Variants in OPTC observed in about 807,000 individuals in gnomAD.
The protein encoded by OPTC is opticin, also known as oculoglycan.
Under a neutral mutation model 25.4 loss-of-function variants are expected in OPTC, and 22 were observed. The ratio of observed to expected loss-of-function variants is 0.87; its 90% CI spans 0.62 to 1.24. OPTC has a LOEUF of 1.24. Ranked by LOEUF, OPTC falls within the 50% of genes most tolerant of loss-of-function variation. The probability of loss-of-function intolerance (pLI) is 0.00; values close to 1 mark genes in which losing one functional copy is unlikely to be tolerated. For synonymous variants in OPTC, 169 were observed against 179.3 expected, an observed-to-expected ratio of 0.94 and a Z score of 0.46; for missense variants, 417 against 425.2, an observed-to-expected ratio of 0.98 and a Z score of 0.17.
chr1:203,506,152 C>CTT (rs1211629662), intron 7 of OPTC, among the ~76,000 whole-genome samples: 43 of 140,602 alleles, frequency 3.1e-4, no homozygotes, highest in African/African-American at 7.1e-4. Context: ...TTTCTTTTTT[C>CTT]TTTTTTTTTT....
In OPTC at chr1:203,499,354, G is replaced by A. The variant is rs145923198; in HGVS notation, c.530-295G>A. On this transcript the variant is annotated intron_variant, in intron 4 of 7. Coordinates refer to ENST00000367222, the MANE Select transcript of OPTC (RefSeq NM_014359.4). ...CACAAGTGGAGGTGAGGTGGATCCA[G>A]GGATTCCTGGGCCTGTTGGTTCTCG... is the stretch of plus-strand genomic sequence containing the variant. Among the ~76,000 whole-genome samples the A allele has an allele frequency of 4.0e-3, 605 of 152,234 alleles. 6 individuals carry two copies. Among genetic ancestry groups the A allele is most frequent in the African/African-American group, 0.014 (576 of 41,526 alleles).
At chr1:203,497,392 C>T (rs1237755865) in intron 3 of OPTC, among the ~76,000 whole-genome samples, 1 of 152,216 alleles carries the variant, frequency 6.6e-6, no homozygotes, top group African/African-American at 2.4e-5. Context: ...CTAGCAAAGC[C>T]ACCCTGCCTT....
At chr1:203,496,564 C>T (rs1374481601) in intron 2 of OPTC, among the ~76,000 whole-genome samples, 2 of 152,208 alleles carry the variant, frequency 1.3e-5, no homozygotes, top group Non-Finnish European at 2.9e-5. Flanking sequence ...AACTGTCCTC[C>T]AGTCTGAAGT....
chr1:203,507,175 T>G (rs971555099), intron 7 of OPTC, among the ~76,000 whole-genome samples: 6 of 152,200 alleles, frequency 3.9e-5, no homozygotes, highest in African/African-American at 1.4e-4. Context: ...CAGCTAGGCC[T>G]CCTGTTTCTC....
chr1:203,496,014 C>T lies in OPTC; in HGVS notation c.9C>T (p.Leu3=), dbSNP rs1348011580. ...GTCCCATCTGACTCCCCATGAGGCT[C>T]CTGGCTTTCCTGAGTCTGCTGGCCT... MR[L]LAFLSLLALV... The change falls in exon 2 of 8, where the codon CTC becomes CTT. Residue 3 remains leucine, a synonymous_variant. Coordinates refer to ENST00000367222, the MANE Select transcript of OPTC (RefSeq NM_014359.4). 1.2e-6 allele frequency: 2 copies of T among 1,611,836 alleles called. No homozygotes were observed. Among genetic ancestry groups the T allele is most frequent in the African/African-American group, 1.3e-5 (1 of 74,880 alleles).
rs866411402 is a variant in OPTC, at chr1:203,500,077, C to T, written c.732+226C>T. ...CTCCACCACCACCACCTCCACCTAC[C>T]ACCACCACCACCACCCACCTCCACC... On this transcript the variant is annotated intron_variant, in intron 5 of 7. Transcript: ENST00000367222. Among the ~76,000 whole-genome samples the T allele has an allele frequency of 7.0e-3, 4 of 572 alleles. 1 individual carries two copies. Among genetic ancestry groups the T allele is most frequent in the Admixed American group, 0.037 (2 of 54 alleles). 0.4% of individuals were successfully genotyped at this position (572 alleles called of 152,430 possible).
At chr1:203,506,337 G>C (rs910144504) in intron 7 of OPTC, among the ~76,000 whole-genome samples, 1 of 151,910 alleles carries the variant, frequency 6.6e-6, no homozygotes, top group Non-Finnish European at 1.5e-5. Flanking sequence ...TTTAAGTAGA[G>C]ACAGGGTTTC....
chr1:203,501,765 CACTGTTGTGGTGGAA>C (rs888177919), intron 5 of OPTC, among the ~76,000 whole-genome samples: 2 of 152,122 alleles, frequency 1.3e-5, no homozygotes, highest in Admixed American at 1.3e-4. Flanking sequence ...GCGTCACTAC[CACTGTTGTGGTGGAA>C]GAGCACTAGA....
intron 1 of OPTC, 117 bp downstream of exon 1, chr1:203,494,334 G>A (rs1661244215): frequency 6.6e-6 from 1 of 152,238 alleles, no homozygotes; most frequent in Non-Finnish European, 1.5e-5. Context: ...GGCCAAAGAA[G>A]TTGGACAAGA....
chr1:203,503,548 A>G lies in OPTC; in HGVS notation c.829-2A>G, dbSNP rs1215706040. The stretch of plus-strand genomic sequence containing the variant: ...GGCTCAGCTGGTATGTGTTCTTCCC[A>G]GAATAACCTGATAGAGACCATGCAG... On this transcript the variant is annotated splice_acceptor_variant, in intron 6 of 7. Coordinates refer to ENST00000367222, the MANE Select transcript of OPTC (RefSeq NM_014359.4). LOFTEE classifies it high-confidence loss of function. 6.8e-6 allele frequency: 11 copies of G among 1,613,372 alleles called. No homozygotes were observed. Among genetic ancestry groups the G allele is most frequent in the Admixed American group, 5.0e-5 (3 of 60,030 alleles).
chr1:203,503,701 C>G lies in OPTC; in HGVS notation c.980C>G (p.Pro327Arg). 1.2e-6 allele frequency: 2 copies of G among 1,608,844 alleles called. No homozygotes were observed. The highest frequency in any genetic ancestry group is 1.7e-6 in the Non-Finnish European group (2 of 1,180,002). Residue 327 changes from proline to arginine, a missense_variant, in exon 7 of 8, where the codon CCC (proline) becomes CGC (arginine). By Grantham distance (103) the Pro-to-Arg change is moderately radical. Coordinates refer to ENST00000367222, the MANE Select transcript of OPTC (RefSeq NM_014359.4). ...GCCTACTTCTGCCTGCCTCGGCTCC[C>G]CATCGGCCGCTTCACGTAGCTCGGA... Reference protein sequence around the residue: ...PSAYFCLPRLPIGRFT With the variant: ...PSAYFCLPRLRIGRFT
chr1:203,496,385 T>A, intron 2 of OPTC, 149 bp downstream of exon 2: 1 of 703,408 alleles, frequency 1.4e-6, no homozygotes, highest in Admixed American at 2.0e-5. Flanking sequence ...TAGGGACTTG[T>A]CACTTAGATG....
At chr1:203,495,441 A>G (rs1324698641) in intron 1 of OPTC, among the ~76,000 whole-genome samples, 1 of 152,188 alleles carries the variant, frequency 6.6e-6, no homozygotes, top group African/African-American at 2.4e-5. Context: ...GCTTGAACCC[A>G]GAAGGCGGAG....
chr1:203,498,849 G>A lies in OPTC; in HGVS notation c.529+10G>A. 1.2e-6 allele frequency: 2 copies of A among 1,613,644 alleles called. No individual in the cohort carries two copies. Among genetic ancestry groups the A allele is most frequent in the Non-Finnish European group, 8.5e-7 (1 of 1,180,000 alleles). On this transcript the variant is annotated intron_variant, in intron 4 of 7. Transcript: ENST00000367222. Reference sequence around the variant, plus strand: ...GACTTCAAAGGGCTGAGTATGTAATGCCCTGGGAAAAGAGGAGTGGGGGCA... The same window carrying A: ...GACTTCAAAGGGCTGAGTATGTAATACCCTGGGAAAAGAGGAGTGGGGGCA...
intron 7 of OPTC, among the ~76,000 whole-genome samples, chr1:203,504,602 T>A (rs1263340036): frequency 6.6e-6 from 1 of 152,134 alleles, no homozygotes; most frequent in African/African-American, 2.4e-5. Flanking sequence ...GGGGCTGAGG[T>A]AGGTAAGATT....
intron 7 of OPTC, among the ~76,000 whole-genome samples, 178 bp from the exon 8 acceptor site, chr1:203,508,466 CTG>C (rs1287040295): frequency 6.6e-6 from 1 of 152,176 alleles, no homozygotes; most frequent in African/African-American, 2.4e-5. Context: ...ATGCCTGTGT[CTG>C]TGTCCTCCTT....
chr1:203,499,574 G>C, intron 4 of OPTC, 75 bp from the exon 5 acceptor site: 1 of 1,258,380 alleles, frequency 7.9e-7, no homozygotes, highest in South Asian at 1.2e-5. Context: ...GCAAGGTGTG[G>C]AGACAGCTCC....
intron 5 of OPTC, among the ~76,000 whole-genome samples, chr1:203,500,140 C>CACCT (rs1661358897): frequency 1.3e-5 from 1 of 78,816 alleles, no homozygotes. Flanking sequence ...CCTCCACCAC[C>CACCT]ACCACCCACC....
Position 203,503,736 on chromosome 1 carries a change from C to G in OPTC, c.*16C>G. 6.2e-7 allele frequency: 1 copy of G among 1,601,440 alleles called. No individual in the cohort carries two copies. The highest frequency in any genetic ancestry group is 1.1e-5 in the South Asian group (1 of 91,068). ...CTTCACGTAGCTCGGAGCCCTTCCA[C>G]TCCTCCCAGGTAAGAACCCTCCAAG... On this transcript the variant is annotated 3_prime_UTR_variant, in exon 7 of 8. Coordinates refer to ENST00000367222, the MANE Select transcript of OPTC (RefSeq NM_014359.4).
Sources: gnomAD v4.1 joint callset for allele counts (sites outside exome capture counted in the v4.1 genomes callset) on GRCh38, gnomAD v4.1.1 for gene constraint, MANE v1.5 for transcripts, NCBI Gene and HGNC (gene_info 2026-07-23, HGNC 2026-07-21) for gene names.